Variants in SNX10 observed in about 807,000 individuals in gnomAD.
The protein encoded by SNX10 is sorting nexin-10.
SNX10 carries 25 observed loss-of-function variants against 28.5 expected under a neutral mutation model. The ratio of observed to expected loss-of-function variants is 0.88; its 90% CI spans 0.64 to 1.22. The LOEUF (loss-of-function observed/expected upper bound fraction) is 1.22. SNX10 is among the 50% of genes most tolerant of loss of function. The probability of loss-of-function intolerance (pLI) is 0.00; values close to 1 mark genes in which losing one functional copy is unlikely to be tolerated. For missense variants in SNX10, 223 were observed against 242.6 expected, an observed-to-expected ratio of 0.92 and a Z score of 0.54; for synonymous variants, 62 against 81.4, an observed-to-expected ratio of 0.76 and a Z score of 1.28.
chr7:26,347,647 C>T (rs923614038), intron 2 of SNX10, among the ~76,000 whole-genome samples: 2 of 152,144 alleles, frequency 1.3e-5, no homozygotes, highest in African/African-American at 2.4e-5. Flanking sequence ...GTCAGGAGTT[C>T]GAGACCAGCC....
Position 26,298,920 on chromosome 7 carries a change from C to T in SNX10, c.-24+6834C>T, listed in dbSNP as rs538210927. ...CCAGTCCCATCACGAGGGCCCCACCCTTTTAACCTCATCTAAACCTAATCA... is the reference window on the plus strand; with the variant it reads ...CCAGTCCCATCACGAGGGCCCCACCTTTTTAACCTCATCTAAACCTAATCA... On this transcript the variant is annotated intron_variant, in intron 1 of 6. Transcript: ENST00000338523. 2.0e-5 allele frequency among the ~76,000 whole-genome samples: 3 copies of T among 152,310 alleles called. No individual in the cohort carries two copies. The East Asian group carries it at 5.8e-4, about 29-fold the overall frequency.
intron 2 of SNX10, chr7:26,356,979 C>T: frequency 1.2e-6 from 1 of 832,372 alleles, no homozygotes; most frequent in Non-Finnish European, 1.6e-6. Flanking sequence ...ATTTTCCTTT[C>T]CTGAAGGCAG....
intron 1 of SNX10, among the ~76,000 whole-genome samples, chr7:26,342,973 C>A (rs1788239476): frequency 6.6e-6 from 1 of 151,984 alleles, no homozygotes; most frequent in Non-Finnish European, 1.5e-5. Flanking sequence ...TCATGCCCAG[C>A]TAATTTTTGT....
At chr7:26,325,633 A>C (rs938839684) in intron 1 of SNX10, among the ~76,000 whole-genome samples, 1 of 151,708 alleles carries the variant, frequency 6.6e-6, no homozygotes, top group Non-Finnish European at 1.5e-5. Flanking sequence ...ATCAAATATA[A>C]ATTTGTTTGA....
intron 2 of SNX10, chr7:26,354,141 G>A (rs1472895822): frequency 6.6e-6 from 1 of 152,064 alleles, no homozygotes; most frequent in Non-Finnish European, 1.5e-5. Context: ...TATCACAATG[G>A]CTAAAATAAA....
chr7:26,297,187 C>T lies in SNX10; in HGVS notation c.-24+5101C>T, dbSNP rs184312621. On this transcript the variant is annotated intron_variant, in intron 1 of 6. Coordinates refer to ENST00000338523, the MANE Select transcript of SNX10 (RefSeq NM_013322.3). ...TCTCAGCTCACTGCAACCTCTGCCT[C>T]CTGGGTTCAATAAGTTCTCTGCATC... 1.6e-3 allele frequency among the ~76,000 whole-genome samples: 249 copies of T among 152,328 alleles called. 1 individual carries two copies. Among genetic ancestry groups the T allele is most frequent in the African/African-American group, 5.7e-3 (239 of 41,566 alleles).
intron 1 of SNX10, among the ~76,000 whole-genome samples, chr7:26,321,349 T>C (rs1309883211): frequency 6.6e-6 from 1 of 152,246 alleles, no homozygotes; most frequent in Non-Finnish European, 1.5e-5. Flanking sequence ...AACTCTAATA[T>C]GTTAAGTCTG....
chr7:26,326,508 C>T (rs6946181), intron 1 of SNX10, among the ~76,000 whole-genome samples: 2,245 of 152,252 alleles, frequency 0.015, 26 homozygotes, highest in Middle Eastern at 0.034. Context: ...CCCATGCCTC[C>T]CATATTACCT....
Position 26,329,889 on chromosome 7 carries a change from G to A in SNX10, c.-23-16531G>A, listed in dbSNP as rs371754528. On this transcript the variant is annotated intron_variant, in intron 1 of 6. Transcript: ENST00000338523. Reference sequence around the variant, plus strand: ...GATACAAGTGGCTCGTGTGGCAGTGGGACAGGGAGCTGAGGGTGCAGAGGG... The same window carrying A: ...GATACAAGTGGCTCGTGTGGCAGTGAGACAGGGAGCTGAGGGTGCAGAGGG... Among the ~76,000 whole-genome samples the A allele has an allele frequency of 6.6e-5, 10 of 152,174 alleles. No homozygotes were observed. The East Asian group carries it at 9.6e-4, about 15-fold the overall frequency.
rs113308825 is a variant in SNX10, at chr7:26,299,612, G to A, written c.-24+7526G>A. On this transcript the variant is annotated intron_variant, in intron 1 of 6. Transcript: ENST00000338523. ...TACCCAGATAATTTTTATATTTTTA[G>A]TAGAGACAGGGTTTCACCGTGTTGG... Among the ~76,000 whole-genome samples, 7 of 151,644 alleles carry A rather than the reference G, an allele frequency of 4.6e-5. 1 individual carries two copies. Among genetic ancestry groups the A allele is most frequent in the African/African-American group, 1.7e-4 (7 of 41,326 alleles).
intron 5 of SNX10, chr7:26,370,471 T>C (rs1418111389): frequency 6.6e-6 from 1 of 152,174 alleles, no homozygotes; most frequent in East Asian, 1.9e-4. Flanking sequence ...AGCACAAAGG[T>C]TTTACTTTTC....
intron 1 of SNX10, among the ~76,000 whole-genome samples, chr7:26,341,330 C>G (rs1182530713): frequency 1.3e-5 from 2 of 151,996 alleles, no homozygotes; most frequent in Non-Finnish European, 2.9e-5. Context: ...ATAATTCTTA[C>G]AATGAAGGTA....
At chr7:26,343,423 C>A (rs1363252854) in intron 1 of SNX10, among the ~76,000 whole-genome samples, 1 of 152,178 alleles carries the variant, frequency 6.6e-6, no homozygotes, top group Non-Finnish European at 1.5e-5. Flanking sequence ...TGGGGATATT[C>A]AAATCCTCAC....
At chr7:26,296,219 G>A (rs1248810042) in intron 1 of SNX10, among the ~76,000 whole-genome samples, 1 of 152,174 alleles carries the variant, frequency 6.6e-6, no homozygotes, top group Non-Finnish European at 1.5e-5. Context: ...TGGGAAGTAA[G>A]CCATCTCCTG....
intron 1 of SNX10, among the ~76,000 whole-genome samples, chr7:26,323,826 G>T (rs1371294214): frequency 2.6e-5 from 4 of 152,140 alleles, no homozygotes; most frequent in African/African-American, 9.7e-5. Context: ...TGAGATTTAG[G>T]ATACATTTGG....
intron 1 of SNX10, among the ~76,000 whole-genome samples, chr7:26,297,415 A>T (rs1786153487): frequency 6.6e-6 from 1 of 152,206 alleles, no homozygotes; most frequent in Non-Finnish European, 1.5e-5. Flanking sequence ...TTTAGAAATA[A>T]CTTTGGTGTA....
chr7:26,298,437 T>C (rs540401133), intron 1 of SNX10, among the ~76,000 whole-genome samples: 22 of 152,320 alleles, frequency 1.4e-4, no homozygotes, highest in African/African-American at 4.8e-4. Flanking sequence ...AGGTTTGTAA[T>C]ATCCAGTGTT....
In SNX10 at chr7:26,342,194, T is replaced by G. The variant is rs547463300; in HGVS notation, c.-23-4226T>G. On this transcript the variant is annotated intron_variant, in intron 1 of 6. Transcript: ENST00000338523. ...GGCATGTGCCACCATACCCGGCTGATTTTTGTATTTTTAGTAGAGACGGGG... is the reference window on the plus strand; with the variant it reads ...GGCATGTGCCACCATACCCGGCTGAGTTTTGTATTTTTAGTAGAGACGGGG... 3.3e-5 allele frequency among the ~76,000 whole-genome samples: 5 copies of G among 152,144 alleles called. No homozygotes were observed. The South Asian group carries it at 1.0e-3, about 32-fold the overall frequency.
At chr7:26,335,253 T>C (rs1188139961) in intron 1 of SNX10, among the ~76,000 whole-genome samples, 1 of 152,158 alleles carries the variant, frequency 6.6e-6, no homozygotes, top group Non-Finnish European at 1.5e-5. Flanking sequence ...TCATATATAC[T>C]TGTGTTATAC....
Sources: allele counts gnomAD v4.1 joint callset (sites outside exome capture counted in the v4.1 genomes callset), GRCh38; gene constraint gnomAD v4.1.1; transcripts MANE v1.5; gene names NCBI Gene and HGNC (gene_info 2026-07-23, HGNC 2026-07-21).